Variants in DPY19L1 observed in about 807,000 individuals in gnomAD.
DPY19L1 encodes dpy-19 like C-mannosyltransferase 1, also known as protein C-mannosyl-transferase DPY19L1.
DPY19L1 carries 35 observed loss-of-function variants against 96.9 expected under a neutral mutation model. That is an observed-to-expected ratio of 0.36 (90% CI 0.28 to 0.48). The LOEUF is 0.48. Among genes scored for constraint, DPY19L1 ranks in the 20% least tolerant of loss-of-function variants. The pLI is 0.99. For missense variants in DPY19L1, 521 were observed against 777.9 expected, an observed-to-expected ratio of 0.67 and a Z score of 3.93; for synonymous variants, 205 against 252.6, an observed-to-expected ratio of 0.81 and a Z score of 1.79.
At chr7:34,956,659 A>G (rs1482285376) in intron 11 of DPY19L1, among the ~76,000 whole-genome samples, 2 of 151,880 alleles carry the variant, frequency 1.3e-5, no homozygotes, top group African/African-American at 4.8e-5. Flanking sequence ...GCCCGCCACC[A>G]TGCCCGGCTA....
intron 17 of DPY19L1, among the ~76,000 whole-genome samples, chr7:34,942,120 T>G (rs1284474811): frequency 6.6e-6 from 1 of 152,218 alleles, no homozygotes; most frequent in Non-Finnish European, 1.5e-5. Flanking sequence ...GTCAAACCTG[T>G]GGTTAATAAA....
chr7:34,979,420 A>G (rs1286860050), intron 7 of DPY19L1, among the ~76,000 whole-genome samples: 1 of 152,130 alleles, frequency 6.6e-6, no homozygotes, highest in African/African-American at 2.4e-5. Context: ...GCACTGTCAA[A>G]ATGATAATAC....
chr7:34,961,183 T>C (rs762243709), intron 10 of DPY19L1, among the ~76,000 whole-genome samples: 12 of 152,192 alleles, frequency 7.9e-5, no homozygotes, highest in Admixed American at 2.6e-4. Context: ...CAACCCAGTA[T>C]AGAGCCAACT....
intron 19 of DPY19L1, among the ~76,000 whole-genome samples, chr7:34,939,757 CAA>C (rs1783956055): frequency 6.6e-6 from 1 of 152,160 alleles, no homozygotes; most frequent in Non-Finnish European, 1.5e-5. Context: ...CAGATGACAA[CAA>C]AGTCTCCCTT....
chr7:34,956,474 C>G (rs1019219839), intron 11 of DPY19L1, among the ~76,000 whole-genome samples: 1 of 151,742 alleles, frequency 6.6e-6, no homozygotes, highest in Non-Finnish European at 1.5e-5. Flanking sequence ...GGTGGCGGCC[C>G]ACACTGGGAA....
At chr7:35,014,309 G>C (rs1259076538) in intron 3 of DPY19L1, among the ~76,000 whole-genome samples, 1 of 152,114 alleles carries the variant, frequency 6.6e-6, no homozygotes, top group African/African-American at 2.4e-5. Context: ...GGATAAGGGT[G>C]GGGAGTGGTC....
chr7:35,033,839 C>T (rs1786322307), intron 1 of DPY19L1, among the ~76,000 whole-genome samples: 1 of 151,952 alleles, frequency 6.6e-6, no homozygotes, highest in Non-Finnish European at 1.5e-5. Flanking sequence ...CACAATTTTG[C>T]CTCCCAGGGT....
chr7:35,031,463 A>G (rs1786259132), intron 1 of DPY19L1, among the ~76,000 whole-genome samples: 1 of 152,210 alleles, frequency 6.6e-6, no homozygotes, highest in African/African-American at 2.4e-5. Context: ...CCTCGGGGTT[A>G]CTAAGTAACA....
At chr7:34,956,990 A>T (rs1388210061) in intron 11 of DPY19L1, among the ~76,000 whole-genome samples, 1 of 152,216 alleles carries the variant, frequency 6.6e-6, no homozygotes, top group African/African-American at 2.4e-5. Flanking sequence ...AAGCACATGT[A>T]CTTTAAACAT....
chr7:35,037,727 C>T, upstream of DPY19L1: 4 of 829,746 alleles, frequency 4.8e-6, no homozygotes, highest in Non-Finnish European at 5.9e-6. Context: ...CGCCCCTCTG[C>T]GCCGGACGCG....
At chr7:34,970,113 G>A (rs1189062675) in intron 8 of DPY19L1, among the ~76,000 whole-genome samples, 1 of 152,140 alleles carries the variant, frequency 6.6e-6, no homozygotes, top group African/African-American at 2.4e-5. Context: ...ATTTTTAGGA[G>A]GGTAAGATGA....
In DPY19L1 at chr7:35,017,356, G is replaced by A. The variant is rs1245697473; in HGVS notation, c.411+526C>T. Among the ~76,000 whole-genome samples the A allele has an allele frequency of 6.6e-5, 10 of 151,232 alleles. 1 individual carries two copies. Among genetic ancestry groups the A allele is most frequent in the Admixed American group, 5.9e-4 (9 of 15,184 alleles). On this transcript the variant is annotated intron_variant, in intron 3 of 21. Coordinates refer to ENST00000638088, the MANE Select transcript of DPY19L1 (RefSeq NM_001366673.1). ...AAAAAATACAAAAAATTAGCCGGGC[G>A]CGGTGGCGGGCGCCTGTAGTCCCAG... is the stretch of plus-strand genomic sequence containing the variant.
intron 7 of DPY19L1, among the ~76,000 whole-genome samples, chr7:34,983,260 T>C (rs1303557127): frequency 1.3e-5 from 2 of 152,002 alleles, no homozygotes; most frequent in African/African-American, 2.4e-5. Context: ...CTATGAGACA[T>C]GCAAAGTAGC....
intron 7 of DPY19L1, among the ~76,000 whole-genome samples, chr7:34,976,885 G>A (rs1005813791): frequency 2.0e-5 from 3 of 152,080 alleles, no homozygotes; most frequent in Non-Finnish European, 2.9e-5. Flanking sequence ...CTGGGTTCAA[G>A]CGATTCTCCT....
intron 16 of DPY19L1, among the ~76,000 whole-genome samples, chr7:34,944,545 T>C (rs563729077): frequency 1.3e-5 from 2 of 152,152 alleles, no homozygotes; most frequent in African/African-American, 4.8e-5. Flanking sequence ...ATCATTTCTA[T>C]GCACAAACAC....
chr7:34,982,825 G>C (rs550559543), intron 7 of DPY19L1, among the ~76,000 whole-genome samples: 3 of 152,280 alleles, frequency 2.0e-5, no homozygotes, highest in Admixed American at 1.3e-4. Context: ...AAAGAGGAGT[G>C]GGGGAGAGTC....
At chr7:34,936,260 G>A (rs1448987262) in intron 21 of DPY19L1, among the ~76,000 whole-genome samples, 1 of 151,604 alleles carries the variant, frequency 6.6e-6, no homozygotes, top group Non-Finnish European at 1.5e-5. Context: ...ACAGTGCTCT[G>A]CCTACCCAAA....
chr7:35,024,752 G>T (rs1235986110), intron 1 of DPY19L1, among the ~76,000 whole-genome samples: 7 of 152,180 alleles, frequency 4.6e-5, no homozygotes. Flanking sequence ...GTGGCATTTT[G>T]TATTGCTTAT....
At chr7:34,945,775 A>C (rs996784372) in intron 15 of DPY19L1, 59 bp from the exon 16 acceptor site, 26 of 1,150,678 alleles carry the variant, frequency 2.3e-5, no homozygotes, top group Non-Finnish European at 3.0e-5. Flanking sequence ...GATATTTTAA[A>C]TAAAGTATCT....
Sources: gnomAD v4.1 joint callset for allele counts (sites outside exome capture counted in the v4.1 genomes callset) on GRCh38, gnomAD v4.1.1 for gene constraint, MANE v1.5 for transcripts, NCBI Gene and HGNC (gene_info 2026-07-23, HGNC 2026-07-21) for gene names.